Variants in ST3GAL3 observed in about 807,000 individuals in gnomAD.
ST3GAL3 encodes CMP-N-acetylneuraminate-beta-1,4-galactoside alpha-2,3-sialyltransferase.
In ST3GAL3, 21 loss-of-function variants were observed where a neutral mutation model predicts 50.1. The ratio of observed to expected loss-of-function variants is 0.42; its 90% CI spans 0.30 to 0.60. The LOEUF (loss-of-function observed/expected upper bound fraction) is 0.60. Ranked by LOEUF, ST3GAL3 falls within the 20% of genes least tolerant of loss-of-function variation. ST3GAL3 has a pLI of 0.19. For synonymous variants in ST3GAL3, 183 were observed against 190.0 expected (o/e 0.96, Z 0.30); for missense variants, 353 against 489.4 (o/e 0.72, Z 2.63).
chr1:43,885,317 G>A (rs2075791772), intron 5 of ST3GAL3, among the ~76,000 whole-genome samples: 2 of 152,204 alleles, frequency 1.3e-5, no homozygotes, highest in African/African-American at 4.8e-5. Flanking sequence ...CTACTAGGCT[G>A]TAGGATCTAA....
intron 1 of ST3GAL3, among the ~76,000 whole-genome samples, chr1:43,712,310 A>T (rs749748408): frequency 3.9e-5 from 6 of 152,134 alleles, no homozygotes; most frequent in Non-Finnish European, 4.4e-5. Flanking sequence ...GTTCCCCTGG[A>T]TTTCCCCACC....
intron 5 of ST3GAL3, among the ~76,000 whole-genome samples, chr1:43,879,902 A>G (rs1331853822): frequency 1.3e-5 from 2 of 152,194 alleles, no homozygotes; most frequent in East Asian, 3.9e-4. Flanking sequence ...GGTTGGATCC[A>G]TCTGACTTTT....
intron 2 of ST3GAL3, among the ~76,000 whole-genome samples, chr1:43,770,660 A>G (rs778876016): frequency 5.9e-5 from 9 of 152,210 alleles, no homozygotes; most frequent in Non-Finnish European, 1.2e-4. Flanking sequence ...CTCCCCAAGT[A>G]GCTGAGAGTA....
At chr1:43,867,237 C>T (rs1038003798) in intron 5 of ST3GAL3, among the ~76,000 whole-genome samples, 4 of 152,170 alleles carry the variant, frequency 2.6e-5, no homozygotes, top group African/African-American at 9.7e-5. Context: ...GTTCCTCCCA[C>T]GACACGTAGG....
Position 43,920,853 on chromosome 1 carries a change from A to T in ST3GAL3, c.963A>T (p.Gly321=). ...LHGCDEVAVA[G]FGYDMSTPNA... ...GCTGTGACGAGGTGGCAGTCGCAGG[A>T]TTTGGCTATGACATGAGCACACCCA... The change falls in exon 11 of 12, where the codon GGA becomes GGT. Residue 321 remains glycine (G), a synonymous_variant. Coordinates refer to ENST00000347631, the MANE Select transcript of ST3GAL3 (RefSeq NM_006279.5). 6.2e-7 allele frequency: 1 copy of T among 1,614,030 alleles called. No homozygotes were observed. The highest frequency in any genetic ancestry group is 8.5e-7 in the Non-Finnish European group (1 of 1,179,990).
At chr1:43,827,757 C>G (rs2063013762) in intron 4 of ST3GAL3, among the ~76,000 whole-genome samples, 1 of 152,162 alleles carries the variant, frequency 6.6e-6, no homozygotes, top group Non-Finnish European at 1.5e-5. Context: ...AGCAGTCCTC[C>G]TGCTTTGGCC....
chr1:43,929,570 G>C (rs2084685590), intron 11 of ST3GAL3, among the ~76,000 whole-genome samples: 1 of 152,092 alleles, frequency 6.6e-6, no homozygotes, highest in South Asian at 2.1e-4. Flanking sequence ...CAAAGTGCTG[G>C]GATTACAGGC....
chr1:43,880,909 A>G (rs1466185165), intron 5 of ST3GAL3, among the ~76,000 whole-genome samples: 5 of 152,228 alleles, frequency 3.3e-5, no homozygotes, highest in Admixed American at 2.6e-4. Flanking sequence ...TGTCATTGCT[A>G]TTATTACTGT....
intron 2 of ST3GAL3, among the ~76,000 whole-genome samples, chr1:43,750,937 A>G (rs1685805707): frequency 6.6e-6 from 1 of 152,148 alleles, no homozygotes; most frequent in Non-Finnish European, 1.5e-5. Context: ...TTCTCTAGAA[A>G]TTCTAAGCAA....
chr1:43,758,025 C>T (rs888607945), intron 2 of ST3GAL3, among the ~76,000 whole-genome samples: 2 of 152,058 alleles, frequency 1.3e-5, no homozygotes, highest in African/African-American at 4.8e-5. Flanking sequence ...TATGTATAGA[C>T]ACTTCACCAA....
At chr1:43,732,695 T>C (rs369005413) in intron 1 of ST3GAL3, among the ~76,000 whole-genome samples, 10 of 152,362 alleles carry the variant, frequency 6.6e-5, no homozygotes, top group East Asian at 3.9e-4. Context: ...ATTGGGTCCC[T>C]ATTATTGGGC....
At chr1:43,924,164 C>T (rs1369605473) in intron 11 of ST3GAL3, among the ~76,000 whole-genome samples, 2 of 152,170 alleles carry the variant, frequency 1.3e-5, no homozygotes, top group Non-Finnish European at 2.9e-5. Context: ...AGCCTTCCAG[C>T]TGGGCCTCCT....
At chr1:43,740,824 AAGAG>A (rs1350576248) in intron 2 of ST3GAL3, among the ~76,000 whole-genome samples, 3 of 148,816 alleles carry the variant, frequency 2.0e-5, no homozygotes, top group Non-Finnish European at 4.4e-5. Context: ...TTAAGAAAGA[AAGAG>A]AGAGAGAGAA....
intron 5 of ST3GAL3, among the ~76,000 whole-genome samples, chr1:43,881,137 A>G (rs1220871119): frequency 2.0e-5 from 3 of 151,946 alleles, no homozygotes; most frequent in Non-Finnish European, 4.4e-5. Flanking sequence ...CAGCCTCCCA[A>G]GTAGCTGGGA....
At chr1:43,834,350 TA>T (rs1334001124) in intron 4 of ST3GAL3, among the ~76,000 whole-genome samples, 1 of 152,190 alleles carries the variant, frequency 6.6e-6, no homozygotes, top group Non-Finnish European at 1.5e-5. Context: ...GCAGAACTCC[TA>T]AAAATAGTCT....
intron 5 of ST3GAL3, among the ~76,000 whole-genome samples, chr1:43,854,856 C>T (rs1468110155): frequency 6.6e-6 from 1 of 152,160 alleles, no homozygotes; most frequent in Non-Finnish European, 1.5e-5. Context: ...TCTAATGAGT[C>T]GTCAAGTCCT....
In ST3GAL3 at chr1:43,737,328, A is replaced by G. The variant is rs1678952689; in HGVS notation, c.118+948A>G. Reference sequence around the variant, plus strand: ...AGTCAGTCTCTAGGTACAAGGTGAAAGTGAGCTGCAGTGAGTGGGAAGAAG... The same window carrying G: ...AGTCAGTCTCTAGGTACAAGGTGAAGGTGAGCTGCAGTGAGTGGGAAGAAG... On this transcript the variant is annotated intron_variant, in intron 2 of 11. Transcript: ENST00000347631. The surrounding 1 kb of genome is among the most constrained non-coding windows in gnomAD (Gnocchi z 4.0). 1 of 152,204 alleles carries G rather than the reference A, an allele frequency of 6.6e-6. No individual in the cohort carries two copies. Among genetic ancestry groups the G allele is most frequent in the Non-Finnish European group, 1.5e-5 (1 of 68,036 alleles). 9.4% of individuals were successfully genotyped at this position (152,204 alleles called of 1,614,324 possible).
chr1:43,795,369 G>C (rs1211999444), intron 3 of ST3GAL3, among the ~76,000 whole-genome samples: 2 of 152,146 alleles, frequency 1.3e-5, no homozygotes, highest in Admixed American at 1.3e-4. Context: ...AATTATAACT[G>C]GTTTTCAGTT....
intron 5 of ST3GAL3, among the ~76,000 whole-genome samples, chr1:43,859,131 G>GC (rs753631393): frequency 6.6e-5 from 10 of 152,192 alleles, no homozygotes; most frequent in Non-Finnish European, 1.0e-4. Context: ...GGGCCACGTG[G>GC]CCTCTGTTCT....
Sources: allele counts gnomAD v4.1 joint callset (sites outside exome capture counted in the v4.1 genomes callset), GRCh38; gene constraint gnomAD v4.1.1; non-coding constraint Gnocchi (gnomAD v3.1); transcripts MANE v1.5; gene names NCBI Gene and HGNC (gene_info 2026-07-23, HGNC 2026-07-21).